The following HEMK2 variants were observed in gnomAD, a reference collection of about 807,000 sequenced individuals.
HEMK2 encodes the protein methyltransferase HEMK2.
At chr21:28,692,424 T>C in the HEMK2 span, among the ~76,000 whole-genome samples, 1,062 of 152,120 alleles carry the variant, frequency 7.0e-3, 11 homozygotes, top group African/African-American at 0.024. Context: ...AATTCTATCC[T>C]AGGAATATAT....
At chr21:28,836,725 A>G in the HEMK2 span, among the ~76,000 whole-genome samples, 2 of 152,206 alleles carry the variant, frequency 1.3e-5, no homozygotes, top group African/African-American at 2.4e-5. Flanking sequence ...CACAGAATGG[A>G]TAAGAACTCA....
At chr21:28,812,468 T>C in the HEMK2 span, among the ~76,000 whole-genome samples, 1 of 152,228 alleles carries the variant, frequency 6.6e-6, no homozygotes, top group Non-Finnish European at 1.5e-5. Context: ...TGAACCAGCC[T>C]TGCATCCCAG....
At chr21:28,580,582 C>T in the HEMK2 span, among the ~76,000 whole-genome samples, 28 of 146,796 alleles carry the variant, frequency 1.9e-4, no homozygotes, top group Middle Eastern at 3.6e-3. Context: ...AAAAAAAAGA[C>T]GACGAAGAAG....
the HEMK2 span, among the ~76,000 whole-genome samples, chr21:28,845,775 A>G: frequency 6.6e-6 from 1 of 152,092 alleles, no homozygotes; most frequent in South Asian, 2.1e-4. Flanking sequence ...TCATCTCCTT[A>G]CCAAATTCTC....
the HEMK2 span, among the ~76,000 whole-genome samples, chr21:28,701,545 GCCACACACACACATACACAC>G: frequency 8.1e-6 from 1 of 123,350 alleles, no homozygotes; most frequent in African/African-American, 3.6e-5. Context: ...ATTCACAATA[GCCACACACACACATACACAC>G]ACACACACAC....
At chr21:28,878,303 C>T in the HEMK2 span, 4 of 1,613,246 alleles carry the variant, frequency 2.5e-6, no homozygotes, top group African/African-American at 4.0e-5. Context: ...CTGCCACCAG[C>T]CCAAGCTGCC....
chr21:28,680,055 C>G, the HEMK2 span, among the ~76,000 whole-genome samples: 3 of 152,012 alleles, frequency 2.0e-5, no homozygotes, highest in Non-Finnish European at 4.4e-5. Context: ...AAGATCAGAG[C>G]AGAACTGAAG....
chr21:28,849,326 T>C, the HEMK2 span, among the ~76,000 whole-genome samples: 2 of 151,296 alleles, frequency 1.3e-5, no homozygotes, highest in Non-Finnish European at 2.9e-5. Flanking sequence ...TCCCAGAGCA[T>C]CAAAAAAGAT....
the HEMK2 span, among the ~76,000 whole-genome samples, chr21:28,841,270 T>TATATAATATATATAA: frequency 4.9e-4 from 3 of 6,178 alleles, no homozygotes; most frequent in East Asian, 0.1. Flanking sequence ...ATAATATATA[T>TATATAATATATATAA]TATATATTAT....
At chr21:28,780,751 G>A in the HEMK2 span, among the ~76,000 whole-genome samples, 12 of 152,294 alleles carry the variant, frequency 7.9e-5, no homozygotes, top group African/African-American at 2.2e-4. Flanking sequence ...CGCCCTAGAC[G>A]TCATGGGAGA....
At chr21:28,777,283 G>A in the HEMK2 span, among the ~76,000 whole-genome samples, 1 of 152,122 alleles carries the variant, frequency 6.6e-6, no homozygotes, top group African/African-American at 2.4e-5. Context: ...CCTCTTTACA[G>A]TCCAAACATG....
the HEMK2 span, among the ~76,000 whole-genome samples, chr21:28,831,466 A>AAC: frequency 1.6e-3 from 43 of 27,462 alleles, no homozygotes; most frequent in East Asian, 0.012. Flanking sequence ...AAAGAACGAA[A>AAC]GAAAGAAAGA....
chr21:28,713,466 T>C, the HEMK2 span, among the ~76,000 whole-genome samples: 1 of 152,196 alleles, frequency 6.6e-6, no homozygotes, highest in South Asian at 2.1e-4. Flanking sequence ...TTCTTGATGC[T>C]CCAGCCACAA....
At chr21:28,802,466 G>A in the HEMK2 span, among the ~76,000 whole-genome samples, 1 of 152,182 alleles carries the variant, frequency 6.6e-6, no homozygotes, top group African/African-American at 2.4e-5. Flanking sequence ...GGTGGCTCAG[G>A]CCTGTAATCT....
At chr21:28,781,777 G>T in the HEMK2 span, among the ~76,000 whole-genome samples, 610 of 152,276 alleles carry the variant, frequency 4.0e-3, 4 homozygotes, top group African/African-American at 0.014. Context: ...CACCCACATG[G>T]CTGATCTTCA....
the HEMK2 span, among the ~76,000 whole-genome samples, chr21:28,883,546 G>T: frequency 2.1e-5 from 1 of 48,618 alleles, no homozygotes; most frequent in South Asian, 1.1e-3. Flanking sequence ...GAATTAAAAG[G>T]TCCCCCAATA....
At chr21:28,798,197 CAGCTTGGGGTTTGAG>C in the HEMK2 span, among the ~76,000 whole-genome samples, 1 of 152,170 alleles carries the variant, frequency 6.6e-6, no homozygotes, top group Non-Finnish European at 1.5e-5. Context: ...ATGTGAAGCT[CAGCTTGGGGTTTGAG>C]GAGGGTGTTT....
chr21:28,608,903 A>G, the HEMK2 span, among the ~76,000 whole-genome samples: 1 of 152,128 alleles, frequency 6.6e-6, no homozygotes. Flanking sequence ...AGCCACAGCA[A>G]GCCCTGCCCA....
chr21:28,872,852 T>C, the HEMK2 span: 1 of 152,230 alleles, frequency 6.6e-6, no homozygotes, highest in East Asian at 1.9e-4. Flanking sequence ...ACAAACTGGA[T>C]GATGTCCACC....
Sources: allele counts gnomAD v4.1 joint callset (sites outside exome capture counted in the v4.1 genomes callset), GRCh38; gene constraint gnomAD v4.1.1; transcripts MANE v1.5; gene names NCBI Gene and HGNC (gene_info 2026-07-23, HGNC 2026-07-21).